TRAF2: variants seen among roughly 807,000 people sequenced by gnomAD.
TRAF2 encodes the protein TNF receptor associated factor 2.
TRAF2 carries 6 observed loss-of-function variants against 55.6 expected under a neutral mutation model. That is an observed-to-expected ratio of 0.11 (90% CI 0.06 to 0.21). The LOEUF (loss-of-function observed/expected upper bound fraction) is 0.21. Among genes scored for constraint, TRAF2 ranks in the 10% least tolerant of loss-of-function variants. The pLI is 1.00. For missense variants in TRAF2, 561 were observed against 684.5 expected, an observed-to-expected ratio of 0.82 and a Z score of 2.01; for synonymous variants, 329 against 276.3, an observed-to-expected ratio of 1.19 and a Z score of -1.89.
intron 4 of TRAF2, among the ~76,000 whole-genome samples, chr9:136,905,817 C>T (rs1312853631): frequency 6.6e-6 from 1 of 152,010 alleles, no homozygotes; most frequent in East Asian, 1.9e-4. Context: ...GGTAAGATGG[C>T]TCTACCGCCG....
intron 1 of TRAF2, among the ~76,000 whole-genome samples, chr9:136,889,904 A>T (rs1849540051): frequency 6.6e-6 from 1 of 151,870 alleles, no homozygotes; most frequent in South Asian, 2.1e-4. Context: ...CGCATGTGTG[A>T]TAATCACCCC....
At chr9:136,923,541 G>A (rs990976544) in intron 9 of TRAF2, among the ~76,000 whole-genome samples, 1 of 147,348 alleles carries the variant, frequency 6.8e-6, no homozygotes, top group Non-Finnish European at 1.5e-5. Flanking sequence ...ATCCCAGGAG[G>A]TGGAGGTTGC....
intron 6 of TRAF2, among the ~76,000 whole-genome samples, chr9:136,914,751 CT>C (rs951735350): frequency 6.6e-6 from 1 of 152,162 alleles, no homozygotes; most frequent in Non-Finnish European, 1.5e-5. Context: ...TTCTAGTTCT[CT>C]TTGCTTTTAG....
chr9:136,911,022 G>A (rs1390856145), intron 6 of TRAF2, among the ~76,000 whole-genome samples: 2 of 152,220 alleles, frequency 1.3e-5, no homozygotes, highest in Non-Finnish European at 2.9e-5. Flanking sequence ...CCCTGCTGGT[G>A]GGGCCTGGAG....
At chr9:136,923,134 G>C (rs1013880938) in intron 9 of TRAF2, among the ~76,000 whole-genome samples, 1 of 152,152 alleles carries the variant, frequency 6.6e-6, no homozygotes, top group Non-Finnish European at 1.5e-5. Flanking sequence ...GACTCTTCTT[G>C]TTTTGGGGTT....
In TRAF2 at chr9:136,897,458, C is replaced by T. The variant is rs1413543648; in HGVS notation, c.-28-1255C>T. Among the ~76,000 whole-genome samples the T allele has an allele frequency of 5.3e-5, 8 of 151,964 alleles. No individual in the cohort carries two copies. The East Asian group carries it at 1.5e-3, about 29-fold the overall frequency. ...GTGTATCGTCTGAAGTGAGGGAAAC[C>T]CGTGGTAGCTAAAGGGAATGCACTA... is the stretch of plus-strand genomic sequence containing the variant. On this transcript the variant is annotated intron_variant, in intron 1 of 10. Transcript: ENST00000247668.
chr9:136,926,148 C>G lies in TRAF2; in HGVS notation c.*247C>G, dbSNP rs146365735. ...AGCCAAGGGCTGTGGTGGCATTGGC[C>G]GAGGGTCTTCGGGTGCTTCCCAGCA... On this transcript the variant is annotated 3_prime_UTR_variant, in exon 11 of 11. Coordinates refer to ENST00000247668, the MANE Select transcript of TRAF2 (RefSeq NM_021138.4). 3 of 681,692 alleles carry G rather than the reference C, an allele frequency of 4.4e-6. No individual in the cohort carries two copies. The Admixed American group carries it at 5.9e-5, about 13-fold the overall frequency. 42.2% of individuals were successfully genotyped at this position (681,692 alleles called of 1,614,324 possible).
chr9:136,907,271 C>T (rs776506758), intron 4 of TRAF2, among the ~76,000 whole-genome samples: 40 of 152,382 alleles, frequency 2.6e-4, no homozygotes, highest in Non-Finnish European at 4.6e-4. Context: ...GTGGCACCTT[C>T]CCCGGCCCTG....
In TRAF2 at chr9:136,921,078, C is replaced by A; in HGVS notation, c.1001C>A (p.Ala334Glu). ...LERSIGLKDLAMADLEQKVLE... is the reference protein window; with the variant it reads ...LERSIGLKDLEMADLEQKVLE... ...AGGAGCATTGGCCTCAAGGACCTGG[C>A]GATGGCTGACTTGGAGCAGAAGGTC... Residue 334 changes from alanine (A) to glutamate (E), a missense_variant, in exon 9 of 11, where the codon GCG becomes GAG. Transcript: ENST00000247668. The A allele has an allele frequency of 1.2e-6, 2 of 1,614,010 alleles. No homozygotes were observed. Among genetic ancestry groups the A allele is most frequent in the Non-Finnish European group, 1.7e-6 (2 of 1,179,990 alleles).
At chr9:136,908,254 C>CTGT in intron 5 of TRAF2, 23 bp downstream of exon 5, 2 of 1,543,670 alleles carry the variant, frequency 1.3e-6, no homozygotes, top group Admixed American at 2.0e-5. Flanking sequence ...GAGCAGCAGC[C>CTGT]TGTGTGGCTG....
chr9:136,897,026 G>T (rs937138843), intron 1 of TRAF2, among the ~76,000 whole-genome samples: 2 of 152,154 alleles, frequency 1.3e-5, no homozygotes, highest in African/African-American at 2.4e-5. Context: ...CCCTTCCTCT[G>T]TCCTCAACAT....
chr9:136,892,201 C>T (rs200912694), intron 1 of TRAF2, among the ~76,000 whole-genome samples: 3 of 152,058 alleles, frequency 2.0e-5, no homozygotes, highest in South Asian at 2.1e-4. Flanking sequence ...CGGTGGCTCA[C>T]GCCTGTAATC....
chr9:136,882,157 A>G (rs1467467441), upstream of TRAF2: 21 of 610,550 alleles, frequency 3.4e-5, no homozygotes, highest in Non-Finnish European at 4.1e-5. Context: ...TGTCGTCCCA[A>G]GACCTGAGTA....
In TRAF2 at chr9:136,901,395, G is replaced by A. The variant is rs529911401; in HGVS notation, c.366+875G>A. Among the ~76,000 whole-genome samples, 4 of 152,328 alleles carry A rather than the reference G, an allele frequency of 2.6e-5. No individual in the cohort carries two copies. The South Asian group carries it at 6.2e-4, about 24-fold the overall frequency. On this transcript the variant is annotated intron_variant, in intron 4 of 10. Transcript: ENST00000247668. ...GGATGAATGGATAAACACGGGAAGT[G>A]TGATCTGTGCACACAGTGGGATATG... is the stretch of plus-strand genomic sequence containing the variant.
chr9:136,921,123 C>T lies in TRAF2; in HGVS notation c.1046C>T (p.Thr349Ile), dbSNP rs1231284864. 7 of 1,614,092 alleles carry T rather than the reference C, an allele frequency of 4.3e-6. No individual in the cohort carries two copies. The highest frequency in any genetic ancestry group is 2.2e-5 in the East Asian group (1 of 44,892). Reference protein sequence around the residue: ...EQKVLEMEASTYDGVFIWKIS... With the variant: ...EQKVLEMEASIYDGVFIWKIS... ...AAGGTCTTGGAGATGGAGGCATCCA[C>T]CTACGATGGGGTCTTCATCTGGAAG... The change falls in exon 9 of 11, where the codon ACC becomes ATC. Residue 349 changes from threonine to isoleucine, a missense_variant. Physicochemically the swap from Thr to Ile is moderately conservative, Grantham distance 89. Transcript: ENST00000247668.
chr9:136,882,606 A>T (rs1394810820), upstream of TRAF2: 1 of 951,704 alleles, frequency 1.1e-6, no homozygotes, highest in Non-Finnish European at 1.3e-6. Flanking sequence ...GCCCGGGGAC[A>T]TACCCTCCCC....
At chr9:136,896,647 C>T (rs913079644) in intron 1 of TRAF2, among the ~76,000 whole-genome samples, 5 of 151,998 alleles carry the variant, frequency 3.3e-5, no homozygotes, top group African/African-American at 7.3e-5. Flanking sequence ...TGTCTCTCCC[C>T]GCTTTTTTTT....
chr9:136,913,854 T>C (rs1439144645), intron 6 of TRAF2, among the ~76,000 whole-genome samples: 1 of 152,132 alleles, frequency 6.6e-6, no homozygotes, highest in African/African-American at 2.4e-5. Flanking sequence ...TCGGTGACCA[T>C]GCTCCCAGGG....
intron 4 of TRAF2, among the ~76,000 whole-genome samples, chr9:136,903,691 TTG>T (rs1217885046): frequency 1.3e-5 from 2 of 151,928 alleles, no homozygotes; most frequent in African/African-American, 2.4e-5. Flanking sequence ...TGTTTGTTTG[TTG>T]TTTTTTGCGA....
Sources: allele counts gnomAD v4.1 joint callset (sites outside exome capture counted in the v4.1 genomes callset), GRCh38; gene constraint gnomAD v4.1.1; transcripts MANE v1.5; gene names NCBI Gene and HGNC (gene_info 2026-07-23, HGNC 2026-07-21).